C4orf51: variants seen among roughly 807,000 people sequenced by gnomAD.
C4orf51 encodes uncharacterized protein C4orf51.
C4orf51 carries 25 observed loss-of-function variants against 25.2 expected under a neutral mutation model. That is an observed-to-expected ratio of 0.99 (90% CI 0.72 to 1.39). C4orf51 has a LOEUF of 1.39. C4orf51 is among the 40% of genes most tolerant of loss of function. C4orf51 has a pLI of 0.00. For missense variants in C4orf51, 252 were observed against 239.6 expected, an observed-to-expected ratio of 1.05 and a Z score of -0.34; for synonymous variants, 100 against 84.5, an observed-to-expected ratio of 1.18 and a Z score of -1.01.
chr4:145,690,497 C>G (rs576121206), intron 1 of C4orf51, among the ~76,000 whole-genome samples: 23 of 151,620 alleles, frequency 1.5e-4, no homozygotes, highest in Non-Finnish European at 2.9e-4. Flanking sequence ...GAGTGAGACT[C>G]CATCTCAAAA....
chr4:145,776,254 C>T, the C4orf51 span, among the ~76,000 whole-genome samples: 2 of 151,916 alleles, frequency 1.3e-5, no homozygotes, highest in Admixed American at 6.6e-5. Context: ...GACAGGAGCT[C>T]GAGACCAGCC....
rs1439738855 is a variant in C4orf51 at position 145,729,025 on chromosome 4, C to T, written c.367-144C>T. ...CTCCCAAGTGGCTGAGACTACACTGCACTCACAGTGGTGGCTTTTGACAGC... is the reference window on the plus strand; with the variant it reads ...CTCCCAAGTGGCTGAGACTACACTGTACTCACAGTGGTGGCTTTTGACAGC... On this transcript the variant is annotated intron_variant, in intron 3 of 5. Transcript: ENST00000438731. 7 of 635,282 alleles carry T rather than the reference C, an allele frequency of 1.1e-5. No homozygotes were observed. The East Asian group carries it at 1.4e-4, about 13-fold the overall frequency. 39.4% of individuals were successfully genotyped at this position (635,282 alleles called of 1,614,324 possible).
At chr4:145,734,383 A>T (rs2126782109), downstream of C4orf51, among the ~76,000 whole-genome samples, 1 of 140,300 alleles carries the variant, frequency 7.1e-6, no homozygotes, top group South Asian at 2.6e-4. Flanking sequence ...CACGTGGCTG[A>T]TGAGTACAGT....
At chr4:145,780,770 A>C in the C4orf51 span, among the ~76,000 whole-genome samples, 1 of 152,234 alleles carries the variant, frequency 6.6e-6, no homozygotes, top group Non-Finnish European at 1.5e-5. Flanking sequence ...CAAATGACAC[A>C]CTAAGTTAAT....
chr4:145,697,398 C>G (rs1397703438), intron 2 of C4orf51, among the ~76,000 whole-genome samples: 1 of 152,094 alleles, frequency 6.6e-6, no homozygotes, highest in African/African-American at 2.4e-5. Flanking sequence ...ATGCCTGGCT[C>G]TCTTAGCAAA....
At chr4:145,682,593 C>T (rs1728905540) in intron 1 of C4orf51, among the ~76,000 whole-genome samples, 1 of 152,144 alleles carries the variant, frequency 6.6e-6, no homozygotes, top group Non-Finnish European at 1.5e-5. Flanking sequence ...TTTTATTCAT[C>T]TTATTTATTT....
chr4:145,706,536 TG>T (rs1175641144), intron 2 of C4orf51, among the ~76,000 whole-genome samples: 1 of 152,246 alleles, frequency 6.6e-6, no homozygotes, highest in Non-Finnish European at 1.5e-5. Context: ...GAGCTTTTAT[TG>T]GCTTCATAAT....
the C4orf51 span, chr4:145,779,640 G>A: frequency 1.7e-5 from 22 of 1,279,736 alleles, no homozygotes; most frequent in South Asian, 6.1e-5. Context: ...ATGAGTCTCC[G>A]TAACTGGTTT....
chr4:145,727,029 G>A (rs1001303632), intron 3 of C4orf51, 60 bp downstream of exon 3: 1 of 1,286,678 alleles, frequency 7.8e-7, no homozygotes. Context: ...ATTATACACT[G>A]CATATTATTC....
At chr4:145,740,411 C>T (rs1032911869) in intron 1 of C4orf51, among the ~76,000 whole-genome samples, 1 of 152,146 alleles carries the variant, frequency 6.6e-6, no homozygotes, top group Non-Finnish European at 1.5e-5. Flanking sequence ...CCTAACTCAT[C>T]GGGTTTCCTA....
intron 2 of C4orf51, among the ~76,000 whole-genome samples, chr4:145,699,646 A>C (rs1028140551): frequency 6.6e-6 from 1 of 152,168 alleles, no homozygotes; most frequent in Non-Finnish European, 1.5e-5. Flanking sequence ...CATTGCAGGG[A>C]TGCCTCTCTG....
chr4:145,748,541 G>A (rs1483633187), intron 1 of C4orf51, among the ~76,000 whole-genome samples: 1 of 151,762 alleles, frequency 6.6e-6, no homozygotes, highest in Non-Finnish European at 1.5e-5. Flanking sequence ...AAACTTCCCT[G>A]CTTTTGCTGT....
At chr4:145,749,707 C>T (rs1011770648) in intron 1 of C4orf51, among the ~76,000 whole-genome samples, 28 of 152,018 alleles carry the variant, frequency 1.8e-4, no homozygotes, top group South Asian at 6.2e-4. Context: ...CAATCTCGCT[C>T]ACTGCAACCT....
chr4:145,767,305 C>T (rs1735447816), intron 1 of C4orf51, among the ~76,000 whole-genome samples: 1 of 152,026 alleles, frequency 6.6e-6, no homozygotes, highest in South Asian at 2.1e-4. Flanking sequence ...GATGAGTAAA[C>T]CTGAAGATAA....
In C4orf51 at chr4:145,761,429, C is replaced by T. The variant is rs1224272321; in HGVS notation, n.167-9559C>T. ...GTCTTGGACAGGTAGCCGCACTGGT[C>T]GCACTTGTAGTGGTTGCCCAGGCGG... is the stretch of plus-strand genomic sequence containing the variant. On this transcript the variant is annotated intron_variant and non_coding_transcript_variant, in intron 1 of 1. Coordinates refer to the C4orf51 transcript ENST00000510096. This position sits in a 1 kb window ranked among gnomAD's most constrained non-coding sequence, Gnocchi z 6.8. 7 of 1,289,842 alleles carry T rather than the reference C, an allele frequency of 5.4e-6. No homozygotes were observed. The highest frequency in any genetic ancestry group is 5.6e-5 in the East Asian group (1 of 18,006). The allele number at this position is 1,289,842 out of a possible 1,614,324, so 79.9% of individuals were successfully genotyped here.
At chr4:145,697,561 T>G (rs1730152904) in intron 2 of C4orf51, among the ~76,000 whole-genome samples, 1 of 152,244 alleles carries the variant, frequency 6.6e-6, no homozygotes, top group South Asian at 2.1e-4. Flanking sequence ...TCTACTATGC[T>G]TCTATAACTT....
At chr4:145,781,124 A>T in the C4orf51 span, among the ~76,000 whole-genome samples, 2 of 124,778 alleles carry the variant, frequency 1.6e-5, no homozygotes, top group African/African-American at 6.0e-5. Context: ...TGAACCCGGG[A>T]GGTGGAGGTT....
At chr4:145,694,207 A>G (rs1196481182) in intron 1 of C4orf51, among the ~76,000 whole-genome samples, 1 of 131,662 alleles carries the variant, frequency 7.6e-6, no homozygotes, top group African/African-American at 3.0e-5. Flanking sequence ...CCTAGATGTG[A>G]TGGCGGCTGG....
intron 2 of C4orf51, among the ~76,000 whole-genome samples, chr4:145,718,394 T>G (rs779802140): frequency 1.6e-4 from 25 of 152,234 alleles, no homozygotes; most frequent in Admixed American, 2.6e-4. Flanking sequence ...AAGAACCAAG[T>G]AATATTCTAA....
Sources: gnomAD v4.1 joint callset for allele counts (sites outside exome capture counted in the v4.1 genomes callset) on GRCh38, gnomAD v4.1.1 for gene constraint, Gnocchi (gnomAD v3.1) non-coding constraint, MANE v1.5 for transcripts, NCBI Gene and HGNC (gene_info 2026-07-23, HGNC 2026-07-21) for gene names.